Variants in DPP4 observed in about 807,000 individuals in gnomAD.
DPP4 encodes the protein dipeptidyl peptidase 4, also known as ADCP-2.
A neutral mutation model predicts 122.4 loss-of-function variants in DPP4; 93 were observed. The observed-to-expected ratio is 0.76, with a 90% CI of 0.64 to 0.90. The LOEUF (loss-of-function observed/expected upper bound fraction) is 0.90, where lower values mean the gene tolerates loss of function less well. Among genes scored for constraint, DPP4 ranks in the 40% least tolerant of loss-of-function variants. DPP4 has a pLI of 0.00. For synonymous variants in DPP4, 321 were observed against 302.9 expected (o/e 1.06, Z -0.62); for missense variants, 914 against 907.3 (o/e 1.01, Z -0.09).
intron 4 of DPP4, 186 bp downstream of exon 4, chr2:162,046,729 A>G: frequency 1.5e-6 from 1 of 656,292 alleles, no homozygotes; most frequent in African/African-American, 1.8e-5. Context: ...GAGGAAGAGG[A>G]ATCGTCAAAG....
At chr2:162,052,241 C>G (rs1684408315) in intron 2 of DPP4, among the ~76,000 whole-genome samples, 1 of 151,098 alleles carries the variant, frequency 6.6e-6, no homozygotes. Context: ...TTGCTTGAAC[C>G]CAGGAGGCAG....
In DPP4 at chr2:162,047,516, G is replaced by T; in HGVS notation, c.95-15C>A. The T allele has an allele frequency of 6.5e-7, 1 of 1,527,270 alleles. No individual in the cohort carries two copies. Among genetic ancestry groups the T allele is most frequent in the Non-Finnish European group, 8.9e-7 (1 of 1,119,452 alleles). 94.6% of individuals were successfully genotyped at this position (1,527,270 alleles called of 1,614,324 possible). On this transcript the variant is annotated splice_polypyrimidine_tract_variant and intron_variant, in intron 2 of 25. Transcript: ENST00000360534. ...AGCATCATCTGCTGGTTGAAAGAAA[G>T]AGCCAAATGTTCATTTCAGTAAGAT... is the stretch of plus-strand genomic sequence containing the variant.
intron 11 of DPP4, among the ~76,000 whole-genome samples, chr2:162,023,348 T>C (rs1364723831): frequency 6.6e-6 from 1 of 152,190 alleles, no homozygotes; most frequent in East Asian, 1.9e-4. Context: ...GATAGGCCTG[T>C]CCCATTGTGA....
At chr2:162,013,752 T>C (rs74620385) in intron 19 of DPP4, among the ~76,000 whole-genome samples, 1,649 of 152,274 alleles carry the variant, frequency 0.011, 16 homozygotes, top group East Asian at 0.055. Context: ...CCTGACATTA[T>C]GGCATCATGG....
At chr2:162,008,009 TC>T (rs1701326079) in intron 22 of DPP4, among the ~76,000 whole-genome samples, 1 of 152,014 alleles carries the variant, frequency 6.6e-6, no homozygotes, top group Admixed American at 6.6e-5. Flanking sequence ...GCTTACTCCC[TC>T]CCCTTTGAGA....
chr2:162,008,789 G>A, intron 21 of DPP4, 128 bp from the exon 22 acceptor site: 1 of 796,066 alleles, frequency 1.3e-6, no homozygotes, highest in East Asian at 2.6e-5. Flanking sequence ...GCATGGTATA[G>A]GAGGCTTAAA....
intron 2 of DPP4, among the ~76,000 whole-genome samples, chr2:162,060,690 C>T (rs1020945593): frequency 2.6e-5 from 4 of 152,168 alleles, no homozygotes; most frequent in Admixed American, 2.6e-4. Context: ...CTCATCAGTT[C>T]TGTGGTATCT....
chr2:161,993,490 C>T, intron 25 of DPP4, 106 bp from the exon 26 acceptor site: 1 of 771,886 alleles, frequency 1.3e-6, no homozygotes, highest in Middle Eastern at 2.4e-4. Context: ...TGGTATAAAA[C>T]AGAGTGTTTT....
chr2:162,047,037 T>C, intron 3 of DPP4, 31 bp from the exon 4 acceptor site: 1 of 1,272,616 alleles, frequency 7.9e-7, no homozygotes, highest in Non-Finnish European at 1.1e-6. Flanking sequence ...GATCAAAATT[T>C]CAAGTTGTTA....
chr2:162,039,454 T>C (rs1439135323), intron 5 of DPP4, among the ~76,000 whole-genome samples: 1 of 152,054 alleles, frequency 6.6e-6, no homozygotes, highest in Non-Finnish European at 1.5e-5. Context: ...GTACAAACAT[T>C]ATCCCTAGCA....
intron 8 of DPP4, among the ~76,000 whole-genome samples, chr2:162,036,702 T>C (rs1683786925): frequency 6.6e-6 from 1 of 152,204 alleles, no homozygotes; most frequent in Admixed American, 6.5e-5. Context: ...ATCTATACAC[T>C]CTTATGTAGC....
chr2:162,069,667 A>G lies in DPP4; in HGVS notation c.94+3732T>C, dbSNP rs542678784. ...GTCAACTCCAGCTTTTACAGAGCAT[A>G]CTGTTTAGAAATTGTCCCCTGAAAC... On this transcript the variant is annotated intron_variant, in intron 2 of 25. Transcript: ENST00000360534. 3.3e-5 allele frequency among the ~76,000 whole-genome samples: 5 copies of G among 152,342 alleles called. No individual in the cohort carries two copies. The East Asian group carries it at 7.7e-4, about 24-fold the overall frequency.
At chr2:162,027,275 C>T (rs1009833683) in intron 10 of DPP4, among the ~76,000 whole-genome samples, 82 of 151,220 alleles carry the variant, frequency 5.4e-4, no homozygotes, top group African/African-American at 1.6e-3. Context: ...TGCTTGAACC[C>T]GGGAGACGGA....
At position 162,020,303 on chromosome 2, in the gene DPP4, G is replaced by GT. The variant is rs34282135; in HGVS notation, c.1177-8dup. On this transcript the variant is annotated splice_polypyrimidine_tract_variant and splice_region_variant and intron_variant, in intron 13 of 25. Transcript: ENST00000360534. Reference sequence around the variant, plus strand: ...TTGTAATAAATGTGCAGTCCTGATGGTTTTTTTTTTTTTTCAAAAAAAAAA... The same window carrying GT: ...TTGTAATAAATGTGCAGTCCTGATGGTTTTTTTTTTTTTTTCAAAAAAAAAA... 61,110 of 1,160,904 alleles carry GT rather than the reference G, an allele frequency of 0.053. 189 individuals are homozygous for GT. Among genetic ancestry groups the GT allele is most frequent in the African/African-American group, 0.087 (4,638 of 53,584 alleles). 71.9% of individuals were successfully genotyped at this position (1,160,904 alleles called of 1,614,324 possible).
intron 22 of DPP4, among the ~76,000 whole-genome samples, chr2:162,006,299 G>A (rs116741577): frequency 6.6e-6 from 1 of 152,218 alleles, no homozygotes; most frequent in Non-Finnish European, 1.5e-5. Context: ...TATGTGCCCT[G>A]ATTTATGATC....
At chr2:162,060,632 T>C (rs1051607653) in intron 2 of DPP4, among the ~76,000 whole-genome samples, 11 of 152,174 alleles carry the variant, frequency 7.2e-5, no homozygotes, top group Admixed American at 7.2e-4. Context: ...AATTCAATGA[T>C]TCCTCCTTTA....
chr2:162,014,764 T>C (rs1025042474), intron 18 of DPP4, among the ~76,000 whole-genome samples: 3 of 152,236 alleles, frequency 2.0e-5, no homozygotes, highest in South Asian at 2.1e-4. Context: ...TTTATGATTC[T>C]GTTCTTTGGC....
chr2:162,027,898 T>G (rs1683390281), intron 10 of DPP4, among the ~76,000 whole-genome samples: 1 of 152,050 alleles, frequency 6.6e-6, no homozygotes, highest in Non-Finnish European at 1.5e-5. Flanking sequence ...CCTGGGTTAC[T>G]CTCCATGACC....
intron 2 of DPP4, among the ~76,000 whole-genome samples, chr2:162,066,251 T>C (rs1684943768): frequency 6.9e-6 from 1 of 145,074 alleles, no homozygotes; most frequent in East Asian, 2.0e-4. Context: ...CCTGCGTTTC[T>C]TTTTTTTTTT....
Sources: gnomAD v4.1 joint callset for allele counts (sites outside exome capture counted in the v4.1 genomes callset) on GRCh38, gnomAD v4.1.1 for gene constraint, MANE v1.5 for transcripts, NCBI Gene and HGNC (gene_info 2026-07-23, HGNC 2026-07-21) for gene names.